Variants in KDM1A observed in about 807,000 individuals in gnomAD.
KDM1A encodes the protein lysine demethylase 1A, also known as lysine-specific histone demethylase 1A.
A neutral mutation model predicts 109.4 loss-of-function variants in KDM1A; 49 were observed. The observed-to-expected ratio is 0.45, with a 90% confidence interval of 0.36 to 0.57. The LOEUF is 0.57. Ranked by LOEUF, KDM1A falls within the 20% of genes least tolerant of loss-of-function variation. The pLI is 0.00. For synonymous variants in KDM1A, 380 were observed against 415.4 expected, an observed-to-expected ratio of 0.91 and a Z score of 1.04; for missense variants, 668 against 1,116.6, an observed-to-expected ratio of 0.60 and a Z score of 5.73.
intron 9 of KDM1A, among the ~76,000 whole-genome samples, chr1:23,059,605 G>A (rs1397466727): frequency 1.3e-5 from 2 of 152,110 alleles, no homozygotes; most frequent in South Asian, 2.1e-4. Context: ...GCCAAATGGT[G>A]GTACTTACTC....
intron 8 of KDM1A, 29 bp downstream of exon 8, chr1:23,057,594 G>C: frequency 2.6e-6 from 4 of 1,518,812 alleles, no homozygotes; most frequent in Non-Finnish European, 3.7e-6. Flanking sequence ...GTGCTATATA[G>C]TACATGGTCT....
chr1:23,037,434 GATAA>G (rs1373577296), intron 2 of KDM1A, among the ~76,000 whole-genome samples: 3 of 151,316 alleles, frequency 2.0e-5, no homozygotes, highest in Non-Finnish European at 2.9e-5. Flanking sequence ...TTTTTTAATT[GATAA>G]ATAAGATTGT....
At chr1:23,080,114 A>G (rs981271095) in intron 18 of KDM1A, among the ~76,000 whole-genome samples, 1 of 152,166 alleles carries the variant, frequency 6.6e-6, no homozygotes, top group African/African-American at 2.4e-5. Context: ...TAGACTTGTA[A>G]TATTTGTACC....
intron 1 of KDM1A, among the ~76,000 whole-genome samples, chr1:23,024,842 CA>C (rs1557494562): frequency 6.6e-6 from 1 of 152,138 alleles, no homozygotes; most frequent in Non-Finnish European, 1.5e-5. Context: ...ATAATATAAA[CA>C]AAATGCTTAT....
chr1:23,047,585 A>G (rs1237642948), intron 3 of KDM1A, among the ~76,000 whole-genome samples: 1 of 152,186 alleles, frequency 6.6e-6, no homozygotes, highest in South Asian at 2.1e-4. Context: ...AAATTAGCCA[A>G]CTACATTAGA....
At chr1:23,052,219 AACCTCT>A (rs1557547942) in intron 4 of KDM1A, among the ~76,000 whole-genome samples, 2 of 152,222 alleles carry the variant, frequency 1.3e-5, no homozygotes, top group Admixed American at 6.5e-5. Context: ...AATGTAAATC[AACCTCT>A]ACTGCAAGAA....
At chr1:23,026,394 G>GTTTT (rs754619806) in intron 1 of KDM1A, among the ~76,000 whole-genome samples, 98 of 61,566 alleles carry the variant, frequency 1.6e-3, no homozygotes, top group African/African-American at 4.0e-3. Flanking sequence ...TTGTCTGTTT[G>GTTTT]TTTTTTTTTT....
At chr1:23,028,111 A>G (rs930190178) in intron 1 of KDM1A, among the ~76,000 whole-genome samples, 9 of 152,164 alleles carry the variant, frequency 5.9e-5, no homozygotes, top group African/African-American at 1.9e-4. Context: ...GGATTAAACA[A>G]TGTTGAAAAG....
Position 23,083,339 on chromosome 1 carries a change from C to T in KDM1A, c.2606C>T (p.Pro869Leu). 6.2e-7 allele frequency: 1 copy of T among 1,613,424 alleles called. No homozygotes were observed. Among genetic ancestry groups the T allele is most frequent in the Non-Finnish European group, 8.5e-7 (1 of 1,179,764 alleles). Residue 869 changes from proline (P) to leucine (L), a missense_variant, in exon 21 of 21, where the codon CCT becomes CTT. Physicochemically the swap from Pro to Leu is moderately conservative, Grantham distance 98. Transcript: ENST00000400181. ...CCTCGCCAGGCCACACCAGGTGTTCCTGCACAGCAGTCCCCAAGCATGTGA... is the reference window on the plus strand; with the variant it reads ...CCTCGCCAGGCCACACCAGGTGTTCTTGCACAGCAGTCCCCAAGCATGTGA... Reference protein sequence around the residue: ...TLPRQATPGVPAQQSPSM With the variant: ...TLPRQATPGVLAQQSPSM
chr1:23,046,802 T>C (rs1642515843), intron 3 of KDM1A, among the ~76,000 whole-genome samples: 1 of 152,212 alleles, frequency 6.6e-6, no homozygotes, highest in Non-Finnish European at 1.5e-5. Flanking sequence ...ATTTCCTGTA[T>C]AAAGGTGGTG....
intron 4 of KDM1A, among the ~76,000 whole-genome samples, chr1:23,052,034 T>A (rs1642688420): frequency 6.6e-6 from 1 of 152,224 alleles, no homozygotes; most frequent in Admixed American, 6.5e-5. Flanking sequence ...GGATTTTTTT[T>A]TAGACAAAAT....
At chr1:23,055,257 G>T (rs981046792) in intron 6 of KDM1A, 96 bp downstream of exon 6, 1 of 554,244 alleles carries the variant, frequency 1.8e-6, no homozygotes, top group Non-Finnish European at 3.1e-6. Context: ...ATTTTATTTT[G>T]ATTCATAAGA....
Position 23,055,089 on chromosome 1 carries a change from C to T in KDM1A, c.811C>T (p.Arg271Ter). 1 of 1,609,794 alleles carries T rather than the reference C, an allele frequency of 6.2e-7. No homozygotes were observed. The highest frequency in any genetic ancestry group is 8.5e-7 in the Non-Finnish European group (1 of 1,177,864). Residue 271 changes from arginine (R) to a stop codon, truncating the protein, a stop_gained, in exon 6 of 21, where the codon CGA becomes TGA. Transcript: ENST00000400181. LOFTEE classifies it high-confidence loss of function. ...TGTAGGTGATACTGTGCTTGTCCAC[C>T]GAGTTCACAGTTATTTAGAGCGTCA... is the stretch of plus-strand genomic sequence containing the variant. ...PYNSDTVLVH[R>*]VHSYLERHGL...
At chr1:23,062,305 G>A (rs1643023240) in intron 9 of KDM1A, among the ~76,000 whole-genome samples, 1 of 152,156 alleles carries the variant, frequency 6.6e-6, no homozygotes, top group Non-Finnish European at 1.5e-5. Flanking sequence ...TTCTCTGAGA[G>A]CTTTGTTGTA....
chr1:23,030,534 A>T lies in KDM1A; in HGVS notation c.417A>T (p.Glu139Asp). 6.2e-7 allele frequency: 1 copy of T among 1,613,206 alleles called. No homozygotes were observed. Among genetic ancestry groups the T allele is most frequent in the Non-Finnish European group, 8.5e-7 (1 of 1,179,768 alleles). Residue 139 changes from glutamate (E) to aspartate (D), a missense_variant, in exon 2 of 21, where the codon GAA (glutamate) becomes GAT (aspartate). This residue lies in a region of KDM1A where 15 missense variants were observed against 52.7 expected (regional missense o/e 0.28). Transcript: ENST00000400181. The part of the protein sequence containing the change: ...NLSEDEYYSE[E>D]ERNAKAEKEK... The stretch of plus-strand genomic sequence containing the variant: ...CAGAAGATGAGTATTATTCAGAAGA[A>T]GAGAGAAATGCCAAAGCAGAGAAGG...
At position 23,082,226 on chromosome 1, in the gene KDM1A, GA is replaced by G; in HGVS notation, c.2308del (p.Thr770LeufsTer30). 6.2e-7 allele frequency: 1 copy of G among 1,613,248 alleles called. No homozygotes were observed. The highest frequency in any genetic ancestry group is 8.5e-7 in the Non-Finnish European group (1 of 1,179,764). On this transcript the variant is annotated frameshift_variant, in exon 20 of 21. Coordinates refer to ENST00000400181, the MANE Select transcript of KDM1A (RefSeq NM_001009999.3). LOFTEE classifies it high-confidence loss of function. ...FGSSAVPQPK[E>X]TVVSRWRADP... ...CTCCTGGTTTTTCTTTTAGCCCAAA[GA>G]AACTGTGGTGTCTCGTTGGCGTGCT...
chr1:23,042,916 C>T (rs1271867871), intron 2 of KDM1A, among the ~76,000 whole-genome samples: 3 of 151,706 alleles, frequency 2.0e-5, no homozygotes, highest in Non-Finnish European at 4.4e-5. Context: ...ACCTGGCTAA[C>T]TTTTGTGTTT....
rs566305951 is a variant in KDM1A at position 23,082,508 on chromosome 1, G to A, written c.2445+142G>A. ...TAACCAAGAGCAGAGTTAAAAGGAT[G>A]GGCAGCATTTCTGATTTCTCATAAT... On this transcript the variant is annotated intron_variant, in intron 20 of 20. Coordinates refer to ENST00000400181, the MANE Select transcript of KDM1A (RefSeq NM_001009999.3). 4.3e-4 allele frequency: 325 copies of A among 752,062 alleles called. 1 individual carries two copies. Among genetic ancestry groups the A allele is most frequent in the Middle Eastern group, 3.8e-3 (9 of 2,396 alleles). The allele number at this position is 752,062 out of a possible 1,614,324, so 46.6% of individuals were successfully genotyped here.
At chr1:23,060,288 T>A (rs1642962389) in intron 9 of KDM1A, among the ~76,000 whole-genome samples, 1 of 152,184 alleles carries the variant, frequency 6.6e-6, no homozygotes, top group African/African-American at 2.4e-5. Flanking sequence ...AAATAATTCT[T>A]TTTTCCCAAC....
Sources: allele counts gnomAD v4.1 joint callset (sites outside exome capture counted in the v4.1 genomes callset), GRCh38; gene constraint gnomAD v4.1.1; regional missense constraint gnomAD v4.1.1; transcripts MANE v1.5; gene names NCBI Gene and HGNC (gene_info 2026-07-23, HGNC 2026-07-21).